The following CSMD1 variants were observed in gnomAD, a reference collection of about 807,000 sequenced individuals.
CSMD1 encodes CUB and sushi domain-containing protein 1.
In CSMD1, 213 loss-of-function variants were observed where a neutral mutation model predicts 417.5. The observed-to-expected ratio is 0.51, with a 90% CI of 0.46 to 0.57. The LOEUF (loss-of-function observed/expected upper bound fraction) is 0.57, where lower values mean the gene tolerates loss of function less well. CSMD1 is among the 20% of genes least tolerant of loss of function. The pLI is 0.00. For synonymous variants in CSMD1, 2,862 were observed against 1,736.8 expected, an observed-to-expected ratio of 1.65 and a Z score of -16.11; for missense variants, 6,923 against 4,529.7, an observed-to-expected ratio of 1.53 and a Z score of -15.17.
intron 3 of CSMD1, among the ~76,000 whole-genome samples, chr8:4,341,975 C>A (rs779814653): frequency 6.6e-6 from 1 of 152,040 alleles, no homozygotes; most frequent in Non-Finnish European, 1.5e-5. Flanking sequence ...GTTCAAGAGA[C>A]GAAAGTGGCC....
chr8:2,989,872 G>T (rs565188864), intron 54 of CSMD1, among the ~76,000 whole-genome samples: 1 of 152,278 alleles, frequency 6.6e-6, no homozygotes, highest in African/African-American at 2.4e-5. Context: ...TTCCTAGCTA[G>T]CAAACTCCTC....
chr8:3,952,835 G>C (rs984767210), intron 5 of CSMD1, among the ~76,000 whole-genome samples: 2 of 152,152 alleles, frequency 1.3e-5, no homozygotes, highest in Non-Finnish European at 2.9e-5. Context: ...AAAGCAGAAA[G>C]TTATTTTGAA....
At chr8:4,137,353 A>C (rs1396988331) in intron 3 of CSMD1, among the ~76,000 whole-genome samples, 2 of 134,390 alleles carry the variant, frequency 1.5e-5, no homozygotes, top group African/African-American at 4.9e-5. Context: ...CATGTTGAAT[A>C]GAGAATGCAA....
intron 12 of CSMD1, among the ~76,000 whole-genome samples, chr8:3,436,021 G>C (rs908029189): frequency 6.6e-6 from 1 of 152,112 alleles, no homozygotes; most frequent in African/African-American, 2.4e-5. Flanking sequence ...CAGCTACCCA[G>C]GTGGGCAGCT....
At chr8:3,876,396 A>T (rs1042108428) in intron 5 of CSMD1, among the ~76,000 whole-genome samples, 1 of 152,168 alleles carries the variant, frequency 6.6e-6, no homozygotes, top group African/African-American at 2.4e-5. Flanking sequence ...ACTTTCCTGT[A>T]TTTCTAAAGA....
At chr8:4,953,789 T>A (rs1033853738) in intron 1 of CSMD1, among the ~76,000 whole-genome samples, 6 of 152,212 alleles carry the variant, frequency 3.9e-5, no homozygotes, top group African/African-American at 1.4e-4. Context: ...CTTTGGTAAT[T>A]TTCCCAAAAT....
chr8:4,093,963 CAAATAGAT>C (rs1226433531), intron 3 of CSMD1, among the ~76,000 whole-genome samples: 3 of 114,540 alleles, frequency 2.6e-5, no homozygotes, highest in South Asian at 2.9e-4. Context: ...GACTACATCT[CAAATAGAT>C]AGATAGATAG....
chr8:4,461,704 C>G (rs1420850489), intron 2 of CSMD1, among the ~76,000 whole-genome samples: 1 of 151,090 alleles, frequency 6.6e-6, no homozygotes, highest in Non-Finnish European at 1.5e-5. Flanking sequence ...GCAAACACCA[C>G]CATAGCCAGC....
intron 5 of CSMD1, among the ~76,000 whole-genome samples, chr8:3,821,593 C>G (rs936867615): frequency 6.6e-6 from 1 of 152,036 alleles, no homozygotes; most frequent in Non-Finnish European, 1.5e-5. Context: ...ACCAGCCTGG[C>G]CAACACAGTG....
chr8:3,673,025 C>T (rs1182822949), intron 7 of CSMD1, among the ~76,000 whole-genome samples: 1 of 152,094 alleles, frequency 6.6e-6, no homozygotes, highest in African/African-American at 2.4e-5. Context: ...GTTTAAGGTT[C>T]ATTTCATCTC....
At chr8:3,984,300 A>G (rs1585079274) in intron 5 of CSMD1, among the ~76,000 whole-genome samples, 1 of 152,204 alleles carries the variant, frequency 6.6e-6, no homozygotes, top group African/African-American at 2.4e-5. Context: ...TCACACATGC[A>G]CAGAGTTTAC....
chr8:3,831,108 A>C (rs914795921), intron 5 of CSMD1, among the ~76,000 whole-genome samples: 2 of 152,214 alleles, frequency 1.3e-5, no homozygotes, highest in Non-Finnish European at 2.9e-5. Context: ...TACCATTCAG[A>C]ATTAAATGTT....
intron 5 of CSMD1, among the ~76,000 whole-genome samples, chr8:3,965,769 C>G (rs901452146): frequency 6.6e-6 from 1 of 152,040 alleles, no homozygotes; most frequent in Admixed American, 6.6e-5. Flanking sequence ...AGGCATGTGA[C>G]ACCACACCTG....
At chr8:2,948,804 A>G (rs1423580508) in intron 68 of CSMD1, among the ~76,000 whole-genome samples, 2 of 152,098 alleles carry the variant, frequency 1.3e-5, no homozygotes, top group Admixed American at 6.6e-5. Context: ...CATCCATCAA[A>G]ATTAAACATG....
At chr8:4,526,486 G>T (rs1796519157) in intron 2 of CSMD1, among the ~76,000 whole-genome samples, 1 of 152,144 alleles carries the variant, frequency 6.6e-6, no homozygotes, top group African/African-American at 2.4e-5. Context: ...TAATTATTGT[G>T]CAAGCAAGAA....
intron 10 of CSMD1, among the ~76,000 whole-genome samples, chr8:3,495,354 G>T (rs549711556): frequency 2.6e-5 from 4 of 152,146 alleles, no homozygotes; most frequent in Non-Finnish European, 5.9e-5. Flanking sequence ...GGTGGGAAGC[G>T]ATGATAATTC....
intron 12 of CSMD1, among the ~76,000 whole-genome samples, chr8:3,421,351 C>G (rs1813476655): frequency 6.6e-6 from 1 of 152,066 alleles, no homozygotes; most frequent in African/African-American, 2.4e-5. Context: ...CCTGAGGGAG[C>G]CACACATTGA....
intron 7 of CSMD1, among the ~76,000 whole-genome samples, chr8:3,631,371 C>A (rs943998811): frequency 2.0e-5 from 3 of 152,134 alleles, no homozygotes; most frequent in African/African-American, 7.2e-5. Flanking sequence ...GAAAGCAACA[C>A]GTGAGGTAGT....
intron 54 of CSMD1, among the ~76,000 whole-genome samples, chr8:2,997,686 T>A (rs1807027131): frequency 6.6e-6 from 1 of 152,188 alleles, no homozygotes; most frequent in African/African-American, 2.4e-5. Context: ...AGTCATAAAA[T>A]TAGAAGCATA....
Sources: gnomAD v4.1 joint callset for allele counts (sites outside exome capture counted in the v4.1 genomes callset) on GRCh38, gnomAD v4.1.1 for gene constraint, MANE v1.5 for transcripts, NCBI Gene and HGNC (gene_info 2026-07-23, HGNC 2026-07-21) for gene names.